P2RY12: variants seen among roughly 807,000 people sequenced by gnomAD.
The protein encoded by P2RY12 is purinergic receptor P2Y12.
A neutral mutation model predicts 4.5 loss-of-function variants in P2RY12; 3 were observed. That is an observed-to-expected ratio of 0.67 (90% CI 0.31 to 1.74). The LOEUF (loss-of-function observed/expected upper bound fraction) is 1.74, where lower values mean the gene tolerates loss of function less well. P2RY12 is among the 40% of genes most tolerant of loss of function. The pLI is 0.09. For missense variants in P2RY12, 356 were observed against 407.8 expected, an observed-to-expected ratio of 0.87 and a Z score of 1.09; for synonymous variants, 148 against 154.1, an observed-to-expected ratio of 0.96 and a Z score of 0.29.
intron 1 of P2RY12, among the ~76,000 whole-genome samples, chr3:151,367,243 G>C (rs940281100): frequency 3.3e-5 from 5 of 152,160 alleles, no homozygotes; most frequent in African/African-American, 4.8e-5. Context: ...AGTGAGGCTT[G>C]TTTTTCAACT....
At position 151,338,012 on chromosome 3, in the gene P2RY12, A is replaced by G. The variant is rs893264382; in HGVS notation, c.834T>C (p.Tyr278=). Residue 278 remains tyrosine, a synonymous_variant, in exon 3 of 3, where the codon TAT becomes TAC. Coordinates refer to ENST00000302632, the MANE Select transcript of P2RY12 (RefSeq NM_022788.5). ...FDCTAENTLF[Y]VKESTLWLTS... is the part of the protein sequence containing the mutation. Reference sequence around the variant, plus strand: ...TTAACCACAGAGTGCTCTCTTTCACATAGAACAGAGTATTTTCAGCAGTGC... The same window carrying G: ...TTAACCACAGAGTGCTCTCTTTCACGTAGAACAGAGTATTTTCAGCAGTGC... 4 of 1,614,140 alleles carry G rather than the reference A, an allele frequency of 2.5e-6. No individual in the cohort carries two copies. Among genetic ancestry groups the G allele is most frequent in the East Asian group, 2.2e-5 (1 of 44,872 alleles).
chr3:151,350,563 G>T (rs562154676), intron 1 of P2RY12, among the ~76,000 whole-genome samples: 1 of 152,230 alleles, frequency 6.6e-6, no homozygotes, highest in East Asian at 1.9e-4. Context: ...GTCTGGAAGA[G>T]ATCCATTTCT....
intron 1 of P2RY12, among the ~76,000 whole-genome samples, chr3:151,345,837 A>G (rs1360839495): frequency 6.6e-6 from 1 of 152,102 alleles, no homozygotes; most frequent in African/African-American, 2.4e-5. Context: ...ACTTGTATGA[A>G]AAACTGATGT....
Position 151,361,549 on chromosome 3 carries a change from A to G in P2RY12, c.-179-20789T>C, listed in dbSNP as rs142858735. On this transcript the variant is annotated intron_variant, in intron 1 of 2. Coordinates refer to ENST00000302632, the MANE Select transcript of P2RY12 (RefSeq NM_022788.5). ...TGATAGTAGTATTTGATTCCTGTCAATACATCTTATTGCTGAAGGAATATT... is the reference window on the plus strand; with the variant it reads ...TGATAGTAGTATTTGATTCCTGTCAGTACATCTTATTGCTGAAGGAATATT... Among the ~76,000 whole-genome samples the G allele has an allele frequency of 9.4e-4, 143 of 152,312 alleles. 1 individual carries two copies. The highest frequency in any genetic ancestry group is 3.1e-3 in the South Asian group (15 of 4,824).
intron 1 of P2RY12, among the ~76,000 whole-genome samples, chr3:151,374,899 C>T (rs1756639179): frequency 6.6e-6 from 1 of 151,978 alleles, no homozygotes; most frequent in South Asian, 2.1e-4. Flanking sequence ...TTGGTTTATT[C>T]TCCCTCCCAT....
At chr3:151,363,957 G>T (rs909146178) in intron 1 of P2RY12, among the ~76,000 whole-genome samples, 4 of 151,966 alleles carry the variant, frequency 2.6e-5, no homozygotes, top group Admixed American at 2.0e-4. Context: ...ATCTTCGAGG[G>T]ACTCATTCCT....
chr3:151,346,615 C>G (rs891129829), intron 1 of P2RY12, among the ~76,000 whole-genome samples: 1 of 152,098 alleles, frequency 6.6e-6, no homozygotes, highest in South Asian at 2.1e-4. Context: ...TTATGTATCC[C>G]CTCCCCTGAC....
At chr3:151,364,848 A>G (rs1051844831) in intron 1 of P2RY12, 1 of 654,114 alleles carries the variant, frequency 1.5e-6, no homozygotes, top group African/African-American at 1.8e-5. Context: ...GTTCTAATTA[A>G]GAACTCATAA....
rs1755740628 is a variant in P2RY12 at position 151,368,696 on chromosome 3, TTTC to T, written c.-180+15993_-180+15995del. The stretch of plus-strand genomic sequence containing the variant: ...TTTCATGTCATTTCATTTTATTTCA[TTTC>T]ATTTCATTTCATTTCATTTCATTTC... On this transcript the variant is annotated intron_variant, in intron 1 of 2. Transcript: ENST00000302632. Among the ~76,000 whole-genome samples the T allele has an allele frequency of 2.0e-4, 11 of 54,892 alleles. 1 individual carries two copies. The highest frequency in any genetic ancestry group is 0.014 in the Middle Eastern group (2 of 142). 36.0% of individuals were successfully genotyped at this position (54,892 alleles called of 152,430 possible).
At chr3:151,349,042 G>T (rs563346716) in intron 1 of P2RY12, among the ~76,000 whole-genome samples, 8 of 152,210 alleles carry the variant, frequency 5.3e-5, no homozygotes, top group Non-Finnish European at 1.2e-4. Context: ...TATACATAGA[G>T]TAAGAAAAGG....
chr3:151,355,323 C>A (rs943777804), intron 1 of P2RY12: 1 of 841,028 alleles, frequency 1.2e-6, no homozygotes, highest in East Asian at 2.5e-5. Flanking sequence ...TTTTCTCAAC[C>A]TTAATGGTTT....
intron 1 of P2RY12, among the ~76,000 whole-genome samples, chr3:151,348,171 A>G (rs541471837): frequency 1.3e-5 from 2 of 152,260 alleles, no homozygotes; most frequent in African/African-American, 4.8e-5. Context: ...CTGAATAACT[A>G]TGCTACAGTC....
rs142964549 is a variant in P2RY12 at position 151,365,445 on chromosome 3, C to A, written c.-180+19247G>T. 3.3e-3 allele frequency among the ~76,000 whole-genome samples: 509 copies of A among 152,210 alleles called. 14 individuals are homozygous for A. Among genetic ancestry groups the A allele is most frequent in the Admixed American group, 0.031 (473 of 15,278 alleles). On this transcript the variant is annotated intron_variant, in intron 1 of 2. Transcript: ENST00000302632. ...ATGTTTTCAATATGGCCAACAATTA[C>A]ATGATTTATTTTCAAAAACATATAA...
At chr3:151,338,897 A>C (rs757770181) in intron 2 of P2RY12, 38 bp from the exon 3 acceptor site, 1 of 1,579,696 alleles carries the variant, frequency 6.3e-7, no homozygotes, top group Admixed American at 1.7e-5. Flanking sequence ...TTTCAGCCTA[A>C]GGTAGTTATT....
chr3:151,339,642 T>TA (rs546314914), intron 2 of P2RY12, among the ~76,000 whole-genome samples: 259 of 145,462 alleles, frequency 1.8e-3, no homozygotes, highest in Non-Finnish European at 2.3e-3. Flanking sequence ...TTTAAAACAG[T>TA]AAAAAAAAAA....
chr3:151,372,388 T>G (rs1189963467), intron 1 of P2RY12, among the ~76,000 whole-genome samples: 1 of 152,204 alleles, frequency 6.6e-6, no homozygotes, highest in Non-Finnish European at 1.5e-5. Flanking sequence ...TGTTAGAAAC[T>G]TCTCTGGGTT....
chr3:151,359,817 A>G (rs977114820), intron 1 of P2RY12, among the ~76,000 whole-genome samples: 1 of 152,138 alleles, frequency 6.6e-6, no homozygotes, highest in Non-Finnish European at 1.5e-5. Context: ...ATGGACCACA[A>G]GTGTTTACAG....
chr3:151,373,222 G>A (rs1302262452), intron 1 of P2RY12, among the ~76,000 whole-genome samples: 1 of 152,134 alleles, frequency 6.6e-6, no homozygotes, highest in Non-Finnish European at 1.5e-5. Flanking sequence ...GAGGTTTCCT[G>A]TAGATTAGCT....
At chr3:151,355,056 TCCA>T (rs1753741886) in intron 1 of P2RY12, 13 of 1,141,798 alleles carry the variant, frequency 1.1e-5, no homozygotes, top group Non-Finnish European at 1.3e-5. Context: ...AAAAAAAGTA[TCCA>T]TTAAAAATGT....
Sources: allele counts gnomAD v4.1 joint callset (sites outside exome capture counted in the v4.1 genomes callset), GRCh38; gene constraint gnomAD v4.1.1; transcripts MANE v1.5; gene names NCBI Gene and HGNC (gene_info 2026-07-23, HGNC 2026-07-21).